Variants in C1QTNF7 observed in about 807,000 individuals in gnomAD.
C1QTNF7 encodes complement C1q tumor necrosis factor-related protein 7.
A neutral mutation model predicts 19.6 loss-of-function variants in C1QTNF7; 15 were observed. The observed-to-expected ratio is 0.76, with a 90% confidence interval of 0.51 to 1.18. The LOEUF (loss-of-function observed/expected upper bound fraction) is 1.18. Among genes scored for constraint, C1QTNF7 ranks in the 50% most tolerant of loss-of-function variants. C1QTNF7 has a pLI of 0.00. For synonymous variants in C1QTNF7, 142 were observed against 137.5 expected (o/e 1.03, Z -0.23); for missense variants, 324 against 359.7 (o/e 0.90, Z 0.80).
intron 1 of C1QTNF7, among the ~76,000 whole-genome samples, chr4:15,355,689 C>T (rs905321559): frequency 5.3e-5 from 8 of 152,090 alleles, no homozygotes; most frequent in African/African-American, 1.9e-4. Flanking sequence ...GAGGCTGAAG[C>T]TTGAGAGGAA....
chr4:15,437,375 AG>A (rs1712579649), intron 2 of C1QTNF7, among the ~76,000 whole-genome samples: 1 of 152,166 alleles, frequency 6.6e-6, no homozygotes, highest in Non-Finnish European at 1.5e-5. Flanking sequence ...TAAGGGAAAG[AG>A]TACATGCAAA....
intron 1 of C1QTNF7, among the ~76,000 whole-genome samples, chr4:15,415,265 C>A (rs1005131065): frequency 7.3e-5 from 11 of 151,488 alleles, no homozygotes; most frequent in Non-Finnish European, 1.2e-4. Flanking sequence ...CATTGAGGAA[C>A]CAAAAAGATA....
Position 15,442,768 on chromosome 4 carries a change from T to C in C1QTNF7, c.839T>C (p.Leu280Pro). 6.2e-7 allele frequency: 1 copy of C among 1,611,946 alleles called. No homozygotes were observed. Among genetic ancestry groups the C allele is most frequent in the South Asian group, 1.1e-5 (1 of 90,800 alleles). ...CTCTTATACGTTGACACAGATTACC[T>C]AGATTCCATATCAGAAGATGATGAA... is the stretch of plus-strand genomic sequence containing the variant. ...GFLLYVDTDY[L>P]DSISEDDEL Residue 280 changes from leucine to proline, a missense_variant, in exon 3 of 3, where the codon CTA becomes CCA. Transcript: ENST00000444304.
chr4:15,386,581 G>A (rs1397449724), intron 1 of C1QTNF7, among the ~76,000 whole-genome samples: 1 of 152,192 alleles, frequency 6.6e-6, no homozygotes, highest in African/African-American at 2.4e-5. Context: ...GTGTGGAATG[G>A]TTTGGTCTGC....
At chr4:15,363,942 A>G (rs1230740782) in intron 1 of C1QTNF7, among the ~76,000 whole-genome samples, 1 of 152,170 alleles carries the variant, frequency 6.6e-6, no homozygotes, top group Non-Finnish European at 1.5e-5. Flanking sequence ...CAGAGCAGAC[A>G]CTCAAAAAAT....
chr4:15,439,950 G>A (rs1375494844), intron 2 of C1QTNF7, among the ~76,000 whole-genome samples: 4 of 151,126 alleles, frequency 2.6e-5, no homozygotes, highest in South Asian at 2.1e-4. Context: ...TATATAAAAC[G>A]TGAATGTCAT....
At chr4:15,392,953 C>G in intron 1 of C1QTNF7, among the ~76,000 whole-genome samples, 1 of 152,140 alleles carries the variant, frequency 6.6e-6, no homozygotes, top group Non-Finnish European at 1.5e-5. Flanking sequence ...GGGAGACACA[C>G]TCTGATATAA....
Position 15,443,892 on chromosome 4 carries a change from A to T in C1QTNF7, c.*1093A>T, listed in dbSNP as rs946539386. ...GTATTTATTTCAAATAAAGCAAGGC[A>T]TATGTTCACTGATTTACGAGTAAGC... On this transcript the variant is annotated 3_prime_UTR_variant, in exon 3 of 3. Transcript: ENST00000444304. 2 of 152,228 alleles carry T rather than the reference A, an allele frequency of 1.3e-5. No homozygotes were observed. Among genetic ancestry groups the T allele is most frequent in the African/African-American group, 4.8e-5 (2 of 41,460 alleles). 9.4% of individuals were successfully genotyped at this position (152,228 alleles called of 1,614,324 possible).
At chr4:15,363,480 G>C (rs1167524985) in intron 1 of C1QTNF7, among the ~76,000 whole-genome samples, 1 of 152,032 alleles carries the variant, frequency 6.6e-6, no homozygotes, top group Non-Finnish European at 1.5e-5. Flanking sequence ...TGGATCAATA[G>C]CAAACTACAC....
At chr4:15,344,393 C>G (rs1716646758) in intron 1 of C1QTNF7, among the ~76,000 whole-genome samples, 1 of 152,190 alleles carries the variant, frequency 6.6e-6, no homozygotes, top group South Asian at 2.1e-4. Context: ...GAGACAGCAG[C>G]AGTGGTTGCT....
chr4:15,423,684 C>T (rs1711897338), upstream of C1QTNF7, among the ~76,000 whole-genome samples: 1 of 152,192 alleles, frequency 6.6e-6, no homozygotes, highest in Non-Finnish European at 1.5e-5. Context: ...ATCCTCCCTG[C>T]AGGCTTATGC....
intron 1 of C1QTNF7, among the ~76,000 whole-genome samples, chr4:15,405,236 G>T (rs1719148800): frequency 6.6e-6 from 1 of 152,056 alleles, no homozygotes; most frequent in Non-Finnish European, 1.5e-5. Context: ...CCTCGCACTT[G>T]TGTCGAATGA....
intron 1 of C1QTNF7, among the ~76,000 whole-genome samples, chr4:15,391,210 G>GT (rs1331680193): frequency 6.6e-6 from 1 of 151,604 alleles, no homozygotes; most frequent in Non-Finnish European, 1.5e-5. Flanking sequence ...ACGAGAGACA[G>GT]TATCACCAGC....
intron 1 of C1QTNF7, among the ~76,000 whole-genome samples, chr4:15,411,763 T>C (rs1165198618): frequency 1.3e-5 from 2 of 152,204 alleles, no homozygotes; most frequent in African/African-American, 4.8e-5. Context: ...TACCATCTTA[T>C]GGTTCTGAAA....
intron 2 of C1QTNF7, among the ~76,000 whole-genome samples, chr4:15,438,014 G>T (rs1712604638): frequency 6.6e-6 from 1 of 152,094 alleles, no homozygotes; most frequent in African/African-American, 2.4e-5. Flanking sequence ...TGTGGGGGAG[G>T]CCAATATATA....
At chr4:15,401,974 C>G (rs1264236994) in intron 1 of C1QTNF7, among the ~76,000 whole-genome samples, 1 of 152,048 alleles carries the variant, frequency 6.6e-6, no homozygotes, top group African/African-American at 2.4e-5. Context: ...AAAAAAGGAA[C>G]AGGAAAAAAC....
intron 1 of C1QTNF7, among the ~76,000 whole-genome samples, chr4:15,362,895 A>G (rs985838936): frequency 3.3e-5 from 5 of 152,204 alleles, no homozygotes; most frequent in Non-Finnish European, 5.9e-5. Flanking sequence ...CTCTACATCA[A>G]TACTATAAGT....
At chr4:15,385,900 CTGTT>C (rs781719539) in intron 1 of C1QTNF7, among the ~76,000 whole-genome samples, 23 of 152,222 alleles carry the variant, frequency 1.5e-4, no homozygotes, top group Non-Finnish European at 2.5e-4. Flanking sequence ...TTAGATTACT[CTGTT>C]TGAAGACAGA....
intron 1 of C1QTNF7, among the ~76,000 whole-genome samples, chr4:15,385,517 G>A (rs932046258): frequency 3.9e-5 from 6 of 152,204 alleles, no homozygotes; most frequent in Admixed American, 2.0e-4. Flanking sequence ...ATGCCAGGGT[G>A]GCTGGAAAGG....
Sources: allele counts gnomAD v4.1 joint callset (sites outside exome capture counted in the v4.1 genomes callset), GRCh38; gene constraint gnomAD v4.1.1; transcripts MANE v1.5; gene names NCBI Gene and HGNC (gene_info 2026-07-23, HGNC 2026-07-21).